The following DNAH8 variants were observed in gnomAD, a reference collection of about 807,000 sequenced individuals.
DNAH8 encodes the protein axonemal beta dynein heavy chain 8.
In DNAH8, 382 loss-of-function variants were observed where a neutral mutation model predicts 562.1. The observed-to-expected ratio is 0.68, with a 90% CI of 0.63 to 0.74. The LOEUF (loss-of-function observed/expected upper bound fraction) is 0.74, where lower values mean the gene tolerates loss of function less well. Among genes scored for constraint, DNAH8 ranks in the 30% least tolerant of loss-of-function variants. DNAH8 has a pLI of 0.00. For synonymous variants in DNAH8, 1,881 were observed against 1,919.4 expected, an observed-to-expected ratio of 0.98 and a Z score of 0.52; for missense variants, 5,203 against 5,620.4, an observed-to-expected ratio of 0.93 and a Z score of 2.37.
intron 6 of DNAH8, among the ~76,000 whole-genome samples, chr6:38,737,487 T>G (rs528999541): frequency 2.6e-5 from 4 of 151,790 alleles, no homozygotes; most frequent in Non-Finnish European, 5.9e-5. Context: ...TTCTATAATA[T>G]TAATGAAAAT....
chr6:38,789,639 G>T (rs1039520592), intron 18 of DNAH8, among the ~76,000 whole-genome samples, 164 bp from the exon 19 acceptor site: 1 of 152,166 alleles, frequency 6.6e-6, no homozygotes, highest in Non-Finnish European at 1.5e-5. Context: ...TAATTTACAG[G>T]TACAGAGAAA....
chr6:38,790,558 C>T (rs970723505), intron 20 of DNAH8, among the ~76,000 whole-genome samples, 153 bp downstream of exon 20: 1 of 152,142 alleles, frequency 6.6e-6, no homozygotes, highest in African/African-American at 2.4e-5. Context: ...GGCACAGTGG[C>T]TCACACCTGT....
chr6:38,956,975 A>G (rs1253853655), intron 82 of DNAH8, among the ~76,000 whole-genome samples: 2 of 152,222 alleles, frequency 1.3e-5, no homozygotes, highest in South Asian at 4.1e-4. Flanking sequence ...AAAATCTACG[A>G]TTAAGAGACA....
At chr6:38,999,773 T>C (rs1156387725) in intron 88 of DNAH8, among the ~76,000 whole-genome samples, 1 of 150,778 alleles carries the variant, frequency 6.6e-6, no homozygotes, top group African/African-American at 2.5e-5. Flanking sequence ...AAGAGATAGA[T>C]AGAAAGATAG....
At chr6:38,953,013 G>A in intron 82 of DNAH8, 1 of 152,238 alleles carries the variant, frequency 6.6e-6, no homozygotes, top group African/African-American at 2.4e-5. Flanking sequence ...ACTTCTCTCT[G>A]CACACAGGTA....
Position 38,737,059 on chromosome 6 carries a change from C to A in DNAH8, c.763-8C>A. 2.7e-6 allele frequency: 4 copies of A among 1,506,632 alleles called. No homozygotes were observed. The highest frequency in any genetic ancestry group is 3.5e-6 in the Non-Finnish European group (4 of 1,134,412). 93.3% of individuals were successfully genotyped at this position (1,506,632 alleles called of 1,614,324 possible). On this transcript the variant is annotated splice_polypyrimidine_tract_variant and splice_region_variant and intron_variant, in intron 5 of 92. Coordinates refer to ENST00000327475, the MANE Select transcript of DNAH8 (RefSeq NM_001206927.2). ...ATGTAAAATAACATTTAAACTCCACCCTTTCAGGAAGCGCTCTTTACTGTT... is the reference window on the plus strand; with the variant it reads ...ATGTAAAATAACATTTAAACTCCACACTTTCAGGAAGCGCTCTTTACTGTT...
chr6:38,949,688 G>C, intron 81 of DNAH8, 118 bp downstream of exon 81: 2 of 655,194 alleles, frequency 3.1e-6, no homozygotes, highest in Non-Finnish European at 5.3e-6. Context: ...GGCAAAAACC[G>C]CAATTACTTT....
chr6:38,966,867 C>G (rs906796728), intron 82 of DNAH8, among the ~76,000 whole-genome samples: 2 of 152,058 alleles, frequency 1.3e-5, no homozygotes, highest in African/African-American at 4.8e-5. Context: ...AGACCTTGGC[C>G]GATTCAGTAG....
intron 60 of DNAH8, among the ~76,000 whole-genome samples, chr6:38,896,627 G>C (rs1466704456): frequency 6.6e-6 from 1 of 151,718 alleles, no homozygotes; most frequent in Non-Finnish European, 1.5e-5. Context: ...AAAAGAGAGA[G>C]AGAGAGTTCA....
chr6:38,896,344 T>C, intron 60 of DNAH8, 119 bp downstream of exon 60: 7 of 773,460 alleles, frequency 9.1e-6, no homozygotes, highest in Non-Finnish European at 1.4e-5. Context: ...GAGGCTGAGG[T>C]GGGAGGATTG....
intron 87 of DNAH8, among the ~76,000 whole-genome samples, chr6:38,988,014 T>G (rs1764516341): frequency 6.6e-6 from 1 of 152,204 alleles, no homozygotes; most frequent in Non-Finnish European, 1.5e-5. Flanking sequence ...ACCAGCCACC[T>G]GCCTGCACTA....
Position 38,853,169 on chromosome 6 carries a change from T to G in DNAH8, c.5572-17T>G, listed in dbSNP as rs1436339557. The G allele has an allele frequency of 1.3e-6, 2 of 1,584,360 alleles. No individual in the cohort carries two copies. On this transcript the variant is annotated splice_polypyrimidine_tract_variant and intron_variant, in intron 40 of 92. Coordinates refer to ENST00000327475, the MANE Select transcript of DNAH8 (RefSeq NM_001206927.2). ...AAATTATTATCAATTTATAATATCC[T>G]TGTAATTTTGTTTTAGTTGGATAAT... is the stretch of plus-strand genomic sequence containing the variant.
intron 57 of DNAH8, among the ~76,000 whole-genome samples, chr6:38,887,833 CTTTTTTT>C (rs538279493): frequency 8.3e-6 from 1 of 120,868 alleles, no homozygotes; most frequent in Non-Finnish European, 1.7e-5. Context: ...AAAGGGCAGA[CTTTTTTT>C]TTTTTTTTTT....
intron 41 of DNAH8, among the ~76,000 whole-genome samples, chr6:38,854,397 C>T (rs1023007674): frequency 6.6e-6 from 1 of 152,126 alleles, no homozygotes; most frequent in African/African-American, 2.4e-5. Context: ...GGTATTTCTT[C>T]TCCAACTACT....
intron 4 of DNAH8, among the ~76,000 whole-genome samples, chr6:38,731,805 C>A (rs762941738): frequency 6.6e-6 from 1 of 152,166 alleles, no homozygotes; most frequent in Non-Finnish European, 1.5e-5. Context: ...GCCTCCGCCT[C>A]CCGGGTTCAA....
intron 82 of DNAH8, among the ~76,000 whole-genome samples, chr6:38,960,251 A>C (rs1041050132): frequency 6.6e-6 from 1 of 152,098 alleles, no homozygotes; most frequent in African/African-American, 2.4e-5. Context: ...CAACCAAAGC[A>C]AAAATAGACA....
At chr6:38,834,352 C>CACTT (rs533772404) in intron 31 of DNAH8, among the ~76,000 whole-genome samples, 168 of 152,200 alleles carry the variant, frequency 1.1e-3, no homozygotes, top group African/African-American at 3.9e-3. Flanking sequence ...TGTGAATGTA[C>CACTT]TAAAAATCAT....
Position 38,913,323 on chromosome 6 carries a change from AC to A in DNAH8, c.9860-523del, listed in dbSNP as rs530662179. Among the ~76,000 whole-genome samples, 14 of 152,246 alleles carry A rather than the reference AC, an allele frequency of 9.2e-5. No individual in the cohort carries two copies. The East Asian group carries it at 2.7e-3, about 29-fold the overall frequency. On this transcript the variant is annotated intron_variant, in intron 66 of 92. Transcript: ENST00000327475. ...ATTTACCAACATCCCACTACCTAGA[AC>A]CCGTTGGAATGTGAGCAATTCAGTT...
Position 38,890,753 on chromosome 6 carries a change from T to C in DNAH8, c.8575T>C (p.Trp2859Arg). Reference protein sequence around the residue: ...LVSVGRVLWQWTKVKMLPTPS... With the variant: ...LVSVGRVLWQRTKVKMLPTPS... ...CTCAGTGGGTAGAGTGCTGTGGCAA[T>C]GGACTAAGGTACAGAATGGTTTGTC... Residue 2859 changes from tryptophan to arginine, a missense_variant, in exon 58 of 93, where the codon TGG becomes CGG. By Grantham distance (101) the Trp-to-Arg change is moderately radical. Around this residue, in one of 6 missense-constraint regions of DNAH8, gnomAD observed 977 missense variants for 1,061.8 expected, o/e 0.92. Coordinates refer to ENST00000327475, the MANE Select transcript of DNAH8 (RefSeq NM_001206927.2). The C allele has an allele frequency of 6.2e-7, 1 of 1,607,504 alleles. No individual in the cohort carries two copies. Among genetic ancestry groups the C allele is most frequent in the Non-Finnish European group, 8.5e-7 (1 of 1,173,952 alleles).
Sources: allele counts gnomAD v4.1 joint callset (sites outside exome capture counted in the v4.1 genomes callset), GRCh38; gene constraint gnomAD v4.1.1; regional missense constraint gnomAD v4.1.1; transcripts MANE v1.5; gene names NCBI Gene and HGNC (gene_info 2026-07-23, HGNC 2026-07-21).